ATP11A: variants seen among roughly 807,000 people sequenced by gnomAD.
ATP11A encodes the protein phospholipid-transporting ATPase IH.
ATP11A carries 81 observed loss-of-function variants against 154.4 expected under a neutral mutation model. That is an observed-to-expected ratio of 0.52 (90% CI 0.44 to 0.63). The LOEUF (loss-of-function observed/expected upper bound fraction) is 0.63, where lower values mean the gene tolerates loss of function less well. ATP11A is among the 30% of genes least tolerant of loss of function. The pLI, the probability that ATP11A is intolerant of heterozygous loss-of-function variation, is 0.00. For synonymous variants in ATP11A, 623 were observed against 585.9 expected (o/e 1.06, Z -0.91); for missense variants, 1,316 against 1,474.3 (o/e 0.89, Z 1.76).
chr13:112,877,949 G>A (rs770211305), intron 28 of ATP11A, among the ~76,000 whole-genome samples: 3 of 151,958 alleles, frequency 2.0e-5, no homozygotes, highest in Non-Finnish European at 2.9e-5. Context: ...CAAGAGCCCC[G>A]GGAATGCTTA....
At chr13:112,802,535 T>C (rs1374508316) in intron 2 of ATP11A, among the ~76,000 whole-genome samples, 1 of 66,590 alleles carries the variant, frequency 1.5e-5, no homozygotes, top group Admixed American at 2.1e-4. Flanking sequence ...CAAATAGTGC[T>C]AGAAAAACTG....
Position 112,862,061 on chromosome 13 carries a change from C to T in ATP11A, c.2856-379C>T, listed in dbSNP as rs75268717. Among the ~76,000 whole-genome samples the T allele has an allele frequency of 1.3e-3, 196 of 151,354 alleles. 3 individuals are homozygous for T. In the East Asian group the frequency reaches 0.033, roughly 25 times the overall value. The stretch of plus-strand genomic sequence containing the variant: ...GTAAGGTGTCACAGCAGGCGTAAGG[C>T]ATCACGTCAGGCGTAAGGCGTCACG... On this transcript the variant is annotated intron_variant, in intron 24 of 29. Transcript: ENST00000375645.
intron 1 of ATP11A, among the ~76,000 whole-genome samples, chr13:112,711,781 A>C (rs1887782103): frequency 6.6e-6 from 1 of 152,164 alleles, no homozygotes; most frequent in Non-Finnish European, 1.5e-5. Context: ...AACAGCCCGG[A>C]TGTGTGGAGT....
chr13:112,699,180 A>G (rs888755262), intron 1 of ATP11A, among the ~76,000 whole-genome samples: 6 of 152,218 alleles, frequency 3.9e-5, no homozygotes, highest in Non-Finnish European at 7.3e-5. Context: ...CTTATTTGCA[A>G]GTGCCTTTCC....
chr13:112,782,343 C>T (rs1039973022), intron 1 of ATP11A, among the ~76,000 whole-genome samples: 1 of 152,154 alleles, frequency 6.6e-6, no homozygotes, highest in Non-Finnish European at 1.5e-5. Context: ...GGCTCGTGGC[C>T]ACTCCTGAAA....
intron 28 of ATP11A, among the ~76,000 whole-genome samples, chr13:112,876,816 G>A (rs892341441): frequency 3.3e-5 from 5 of 152,078 alleles, no homozygotes; most frequent in Admixed American, 6.5e-5. Flanking sequence ...ACTCACTCAC[G>A]TAGCTCAGAC....
chr13:112,736,321 C>T (rs779638386), intron 1 of ATP11A, among the ~76,000 whole-genome samples: 21 of 152,234 alleles, frequency 1.4e-4, no homozygotes, highest in Non-Finnish European at 1.8e-4. Flanking sequence ...AATAAGAAAC[C>T]CATATAGAGC....
chr13:112,809,681 G>T (rs1477702591), intron 4 of ATP11A, among the ~76,000 whole-genome samples: 1 of 152,182 alleles, frequency 6.6e-6, no homozygotes, highest in Non-Finnish European at 1.5e-5. Context: ...ACGCCCATAG[G>T]CCCCTGGTGT....
intron 17 of ATP11A, among the ~76,000 whole-genome samples, chr13:112,847,269 G>A (rs1320797718): frequency 1.3e-5 from 2 of 152,202 alleles, no homozygotes; most frequent in Non-Finnish European, 2.9e-5. Context: ...TGTGTCCTTC[G>A]AGTCCAGTTA....
At chr13:112,760,972 C>G (rs747322209) in intron 1 of ATP11A, among the ~76,000 whole-genome samples, 4 of 152,206 alleles carry the variant, frequency 2.6e-5, no homozygotes, top group Non-Finnish European at 5.9e-5. Flanking sequence ...AAAATATTAA[C>G]AGGAAAATTC....
At chr13:112,769,073 G>A (rs1023000606) in intron 1 of ATP11A, among the ~76,000 whole-genome samples, 3 of 152,160 alleles carry the variant, frequency 2.0e-5, no homozygotes, top group South Asian at 2.1e-4. Context: ...ACTGCTATGG[G>A]GGGAAGGTTT....
chr13:112,841,010 G>A (rs1249402516), intron 16 of ATP11A, among the ~76,000 whole-genome samples: 2 of 152,362 alleles, frequency 1.3e-5, no homozygotes, highest in African/African-American at 2.4e-5. Context: ...CTTCCTACGC[G>A]TGCCGCTCAG....
chr13:112,840,861 A>C (rs2079393975), intron 16 of ATP11A, among the ~76,000 whole-genome samples: 1 of 151,728 alleles, frequency 6.6e-6, no homozygotes, highest in Admixed American at 6.6e-5. Flanking sequence ...TCCCCTCCCC[A>C]TGTCCCTCCC....
intron 1 of ATP11A, among the ~76,000 whole-genome samples, chr13:112,768,318 C>A (rs936051535): frequency 6.6e-6 from 1 of 152,238 alleles, no homozygotes; most frequent in South Asian, 2.1e-4. Flanking sequence ...GTGGAGTTGG[C>A]GTCGGCCACT....
intron 4 of ATP11A, among the ~76,000 whole-genome samples, chr13:112,809,717 T>C (rs1027680223): frequency 1.3e-5 from 2 of 152,180 alleles, no homozygotes; most frequent in African/African-American, 2.4e-5. Context: ...CTGGGGATTG[T>C]TACTGAGAAC....
intron 1 of ATP11A, among the ~76,000 whole-genome samples, chr13:112,724,096 G>A (rs1363455831): frequency 7.4e-6 from 1 of 135,298 alleles, no homozygotes; most frequent in African/African-American, 2.9e-5. Context: ...AGCCCCTATC[G>A]TCCCCATCGC....
chr13:112,780,352 A>G (rs369800151), intron 1 of ATP11A, among the ~76,000 whole-genome samples: 1 of 152,040 alleles, frequency 6.6e-6, no homozygotes, highest in Non-Finnish European at 1.5e-5. Flanking sequence ...GGCAGGGGCC[A>G]TCAGCAGCCA....
At chr13:112,763,233 T>C (rs1303469004) in intron 1 of ATP11A, among the ~76,000 whole-genome samples, 1 of 152,178 alleles carries the variant, frequency 6.6e-6, no homozygotes, top group East Asian at 1.9e-4. Context: ...ACCAACGGAA[T>C]GGACCTGCAT....
chr13:112,878,869 G>A (rs2080806102), intron 29 of ATP11A, among the ~76,000 whole-genome samples: 1 of 152,258 alleles, frequency 6.6e-6, no homozygotes, highest in African/African-American at 2.4e-5. Flanking sequence ...GAGACAAAGA[G>A]GGGACGGAAG....
Sources: allele counts gnomAD v4.1 joint callset (sites outside exome capture counted in the v4.1 genomes callset), GRCh38; gene constraint gnomAD v4.1.1; transcripts MANE v1.5; gene names NCBI Gene and HGNC (gene_info 2026-07-23, HGNC 2026-07-21).